The following UBR2 variants were observed in gnomAD, a reference collection of about 807,000 sequenced individuals.
UBR2 encodes ubiquitin protein ligase E3 component n-recognin 2.
Under a neutral mutation model 247.9 loss-of-function variants are expected in UBR2, and 92 were observed. That is an observed-to-expected ratio of 0.37 (90% CI 0.31 to 0.44). The LOEUF is 0.44. Among genes scored for constraint, UBR2 ranks in the 20% least tolerant of loss-of-function variants. The pLI, the probability that UBR2 is intolerant of heterozygous loss-of-function variation, is 1.00. For missense variants in UBR2, 1,613 were observed against 2,112.6 expected (o/e 0.76, Z 4.64); for synonymous variants, 672 against 693.5 (o/e 0.97, Z 0.49).
At chr6:42,641,774 A>G (rs1354566862) in intron 17 of UBR2, 82 bp downstream of exon 17, 2 of 1,088,024 alleles carry the variant, frequency 1.8e-6, no homozygotes, top group Non-Finnish European at 2.7e-6. Context: ...GGACTTAGTC[A>G]GTGAAAGCTG....
chr6:42,638,604 G>C (rs1796249608), intron 15 of UBR2, among the ~76,000 whole-genome samples: 1 of 152,078 alleles, frequency 6.6e-6, no homozygotes, highest in Non-Finnish European at 1.5e-5. Context: ...GTTTTTATAA[G>C]TGTTTTGAGC....
chr6:42,651,897 G>A (rs1225532063), intron 23 of UBR2, 126 bp from the exon 24 acceptor site: 1 of 812,686 alleles, frequency 1.2e-6, no homozygotes, highest in East Asian at 2.8e-5. Flanking sequence ...AGATCACAAG[G>A]TCAGGAGTTC....
At chr6:42,610,868 G>C (rs1206856624) in intron 7 of UBR2, among the ~76,000 whole-genome samples, 1 of 149,408 alleles carries the variant, frequency 6.7e-6, no homozygotes, top group African/African-American at 2.5e-5. Context: ...TTTTTGAGAC[G>C]GAGTTTTGCT....
chr6:42,643,022 T>C (rs1796535493), intron 18 of UBR2, among the ~76,000 whole-genome samples: 1 of 152,198 alleles, frequency 6.6e-6, no homozygotes, highest in Admixed American at 6.5e-5. Context: ...CCTGCTTGTC[T>C]TTGTGTTTAC....
chr6:42,583,819 C>T (rs1015424928), intron 2 of UBR2, among the ~76,000 whole-genome samples: 20 of 151,954 alleles, frequency 1.3e-4, no homozygotes, highest in East Asian at 1.9e-4. Flanking sequence ...CCACCGCGCC[C>T]GGCCTCTCTC....
chr6:42,626,192 G>A (rs556020932), intron 11 of UBR2, among the ~76,000 whole-genome samples: 29 of 151,798 alleles, frequency 1.9e-4, no homozygotes, highest in Admixed American at 6.6e-4. Context: ...CCATTCTTGC[G>A]TAGTTTCTTT....
chr6:42,674,314 A>G, intron 38 of UBR2, 121 bp downstream of exon 38: 3 of 880,770 alleles, frequency 3.4e-6, no homozygotes, highest in East Asian at 2.7e-5. Context: ...CCTTCTGAGT[A>G]TAATTCTTTT....
Position 42,659,552 on chromosome 6 carries a change from C to CACACACACACT in UBR2, c.3243-93_3243-83dup. 1 of 793,076 alleles carries CACACACACACT rather than the reference C, an allele frequency of 1.3e-6. No homozygotes were observed. The allele number at this position is 793,076 out of a possible 1,614,324, so 49.1% of individuals were successfully genotyped here. A position where few individuals can be genotyped will look rare whatever the true frequency, so the allele number is the denominator to read the frequency against. On this transcript the variant is annotated intron_variant, in intron 29 of 46. Transcript: ENST00000372901. The surrounding 1 kb of genome is among the most constrained non-coding windows in gnomAD (Gnocchi z 4.3). ...ACACACACACACACACACACACACA[C>CACACACACACT]ACACACACACTACACACACACACAC...
chr6:42,655,334 C>T (rs1562365012), intron 25 of UBR2, among the ~76,000 whole-genome samples: 1 of 151,460 alleles, frequency 6.6e-6, no homozygotes, highest in African/African-American at 2.4e-5. Context: ...AAAAATTAGC[C>T]GGGTGTGGTG....
intron 15 of UBR2, among the ~76,000 whole-genome samples, chr6:42,639,444 T>C (rs1796292561): frequency 6.6e-6 from 1 of 152,086 alleles, no homozygotes; most frequent in Non-Finnish European, 1.5e-5. Context: ...AATAAAAAAA[T>C]TAGCTGGGCA....
At chr6:42,582,960 T>G (rs1203705273) in intron 2 of UBR2, among the ~76,000 whole-genome samples, 1 of 152,212 alleles carries the variant, frequency 6.6e-6, no homozygotes, top group African/African-American at 2.4e-5. Context: ...CCAGCTTCTC[T>G]TGTGAAGTTA....
chr6:42,678,041 A>T (rs1315949367), intron 40 of UBR2, among the ~76,000 whole-genome samples: 3 of 152,046 alleles, frequency 2.0e-5, no homozygotes, highest in Non-Finnish European at 4.4e-5. Context: ...TCTTTATGTC[A>T]CTATGTTACT....
In UBR2 at chr6:42,606,447, CTT is replaced by C. The variant is rs909172422; in HGVS notation, c.802-141_802-140del. ...AGCTTTGAAGGAAAATTTTAACTAA[CTT>C]ATCAATGAGTAGGATGAGCATTGTA... On this transcript the variant is annotated intron_variant, in intron 6 of 46. Coordinates refer to ENST00000372901, the MANE Select transcript of UBR2 (RefSeq NM_001363705.2). The C allele has an allele frequency of 1.1e-5, 7 of 635,286 alleles. 1 individual carries two copies. In the South Asian group the frequency reaches 1.5e-4, roughly 14 times the overall value. 39.4% of individuals were successfully genotyped at this position (635,286 alleles called of 1,614,324 possible). A position where few individuals can be genotyped will look rare whatever the true frequency, so the allele number is the denominator to read the frequency against.
At chr6:42,569,382 T>C (rs1790975910) in intron 1 of UBR2, among the ~76,000 whole-genome samples, 1 of 152,194 alleles carries the variant, frequency 6.6e-6, no homozygotes, top group Non-Finnish European at 1.5e-5. Context: ...CTCATTGTGG[T>C]TTTGATTTGC....
Position 42,666,151 on chromosome 6 carries a change from A to G in UBR2, c.3803-16A>G, listed in dbSNP as rs1272943545. Reference sequence around the variant, plus strand: ...GTCATCTATTGAATAATAGTATAAAATGCCTGTTTCTATAGATAATGCCTC... The same window carrying G: ...GTCATCTATTGAATAATAGTATAAAGTGCCTGTTTCTATAGATAATGCCTC... On this transcript the variant is annotated splice_polypyrimidine_tract_variant and intron_variant, in intron 33 of 46. Coordinates refer to ENST00000372901, the MANE Select transcript of UBR2 (RefSeq NM_001363705.2). 6.3e-7 allele frequency: 1 copy of G among 1,599,194 alleles called. No individual in the cohort carries two copies. The highest frequency in any genetic ancestry group is 8.5e-7 in the Non-Finnish European group (1 of 1,170,220).
intron 2 of UBR2, among the ~76,000 whole-genome samples, chr6:42,582,049 C>T (rs1335301382): frequency 3.3e-5 from 5 of 151,920 alleles, no homozygotes; most frequent in South Asian, 2.1e-4. Flanking sequence ...TTTGGGAGGC[C>T]GAGGTGGGTG....
intron 3 of UBR2, among the ~76,000 whole-genome samples, chr6:42,592,563 A>C (rs1160792825): frequency 6.6e-6 from 1 of 152,196 alleles, no homozygotes; most frequent in Non-Finnish European, 1.5e-5. Flanking sequence ...ACGACCCACC[A>C]GTTTAGTATT....
intron 42 of UBR2, among the ~76,000 whole-genome samples, chr6:42,681,403 TACA>T (rs986745679): frequency 2.8e-4 from 43 of 151,960 alleles, no homozygotes; most frequent in African/African-American, 8.7e-4. Context: ...CCAGAATTCC[TACA>T]ACAACAACAA....
At chr6:42,602,903 A>G (rs1793478139) in intron 4 of UBR2, among the ~76,000 whole-genome samples, 1 of 152,108 alleles carries the variant, frequency 6.6e-6, no homozygotes. Flanking sequence ...TTTAAGATAA[A>G]GCATTAAGAT....
Sources: allele counts gnomAD v4.1 joint callset (sites outside exome capture counted in the v4.1 genomes callset), GRCh38; gene constraint gnomAD v4.1.1; non-coding constraint Gnocchi (gnomAD v3.1); transcripts MANE v1.5; gene names NCBI Gene and HGNC (gene_info 2026-07-23, HGNC 2026-07-21).